Variants in NBEAL1 observed in about 807,000 individuals in gnomAD.
The protein encoded by NBEAL1 is neurobeachin like 1, also known as neurobeachin-like protein 1.
A neutral mutation model predicts 351.3 loss-of-function variants in NBEAL1; 273 were observed. The observed-to-expected ratio is 0.78, with a 90% CI of 0.70 to 0.86. NBEAL1 has a LOEUF of 0.86. NBEAL1 is among the 40% of genes least tolerant of loss of function. The probability of loss-of-function intolerance (pLI) is 0.00; values close to 1 mark genes in which losing one functional copy is unlikely to be tolerated. For synonymous variants in NBEAL1, 1,050 were observed against 1,086.4 expected (o/e 0.97, Z 0.66); for missense variants, 2,961 against 3,201.3 (o/e 0.92, Z 1.81).
At chr2:203,067,676 C>CT (rs1361309226) in intron 6 of NBEAL1, among the ~76,000 whole-genome samples, 3 of 151,924 alleles carry the variant, frequency 2.0e-5, no homozygotes, top group Admixed American at 1.3e-4. Context: ...ATTTTAAATG[C>CT]TTTTTTTAGG....
intron 54 of NBEAL1, among the ~76,000 whole-genome samples, chr2:203,212,340 C>T (rs1038097621): frequency 1.3e-5 from 2 of 151,938 alleles, no homozygotes; most frequent in Admixed American, 6.6e-5. Context: ...GGTGTGGTGG[C>T]TCACACCTGT....
chr2:203,117,136 G>C (rs2062718115), intron 18 of NBEAL1, among the ~76,000 whole-genome samples: 1 of 150,496 alleles, frequency 6.6e-6, no homozygotes, highest in East Asian at 2.0e-4. Context: ...TTATTATCAT[G>C]CACAAGCTGG....
chr2:203,125,293 A>G, intron 19 of NBEAL1, 59 bp from the exon 20 acceptor site: 1 of 1,214,494 alleles, frequency 8.2e-7, no homozygotes, highest in Non-Finnish European at 1.1e-6. Context: ...ATGTGAAGAT[A>G]TTAAATGACA....
intron 2 of NBEAL1, among the ~76,000 whole-genome samples, chr2:203,036,911 G>C (rs1320739397): frequency 6.7e-6 from 1 of 148,952 alleles, no homozygotes; most frequent in Admixed American, 6.8e-5. Flanking sequence ...CTGCTGTATC[G>C]GAGAGGAACA....
rs1237386561 is a variant in NBEAL1, at chr2:203,219,753, C to G, written c.*2399C>G. On this transcript the variant is annotated 3_prime_UTR_variant, in exon 56 of 56. Transcript: ENST00000683969. ...CCTATAGTCCCAGCTACTTGAGAGG[C>G]TGAGCAGCGCAGGAGAATCACTTAA... 1 of 152,124 alleles carries G rather than the reference C, an allele frequency of 6.6e-6. No individual in the cohort carries two copies. The highest frequency in any genetic ancestry group is 2.4e-5 in the African/African-American group (1 of 41,394). 9.4% of individuals were successfully genotyped at this position (152,124 alleles called of 1,614,324 possible). A position where few individuals can be genotyped will look rare whatever the true frequency, so the allele number is the denominator to read the frequency against.
Position 203,207,066 on chromosome 2 carries a change from C to T in NBEAL1, c.7507-1571C>T, listed in dbSNP as rs1346555785. 2.7e-5 allele frequency among the ~76,000 whole-genome samples: 4 copies of T among 150,890 alleles called. No individual in the cohort carries two copies. The East Asian group carries it at 7.8e-4, about 30-fold the overall frequency. ...CTGAGATGTGGGGAGCGCCTCTGCC[C>T]TGTCGCCCCGTCCGGGATGTGAGGA... On this transcript the variant is annotated intron_variant, in intron 51 of 55. Coordinates refer to ENST00000683969, the MANE Select transcript of NBEAL1 (RefSeq NM_001378026.1).
chr2:203,061,480 G>A (rs574374096), intron 6 of NBEAL1: 2 of 152,372 alleles, frequency 1.3e-5, no homozygotes, highest in East Asian at 3.9e-4. Context: ...TCCATCCAAA[G>A]GGTTTCTCTT....
chr2:203,020,854 C>G (rs933686778), intron 2 of NBEAL1, among the ~76,000 whole-genome samples: 1 of 152,048 alleles, frequency 6.6e-6, no homozygotes, highest in African/African-American at 2.4e-5. Context: ...TAGTTAACTA[C>G]TTCTTGTCTG....
chr2:203,026,178 G>C (rs2060852727), intron 2 of NBEAL1, among the ~76,000 whole-genome samples: 1 of 152,104 alleles, frequency 6.6e-6, no homozygotes, highest in Non-Finnish European at 1.5e-5. Flanking sequence ...GTTAGCTTCA[G>C]AATTTGGGGC....
At chr2:203,110,315 G>A (rs752774685) in intron 15 of NBEAL1, 33 bp downstream of exon 15, 4 of 1,533,000 alleles carry the variant, frequency 2.6e-6, no homozygotes, top group Non-Finnish European at 3.5e-6. Flanking sequence ...TTAACTTCTA[G>A]TATGGTTAAT....
At chr2:203,142,699 T>G (rs2063410908) in intron 31 of NBEAL1, among the ~76,000 whole-genome samples, 1 of 152,338 alleles carries the variant, frequency 6.6e-6, no homozygotes, top group African/African-American at 2.4e-5. Context: ...ACTTTTTATG[T>G]AAATAGTATT....
Position 203,126,691 on chromosome 2 carries a change from C to T in NBEAL1, c.3120C>T (p.Asn1040=). 1 of 1,511,602 alleles carries T rather than the reference C, an allele frequency of 6.6e-7. No homozygotes were observed. Among genetic ancestry groups the T allele is most frequent in the Non-Finnish European group, 8.8e-7 (1 of 1,130,298 alleles). 93.6% of individuals were successfully genotyped at this position (1,511,602 alleles called of 1,614,324 possible). The change falls in exon 22 of 56, where the codon AAC becomes AAT. Residue 1040 remains asparagine (N), a synonymous_variant. Transcript: ENST00000683969. ...TACTCTTTGACTTTCGTATTTGGAA[C>T]CGTGGAGATTTTCCCTTTCGAATCG... ...QYLLFDFRIW[N]RGDFPFRIGH...
chr2:203,073,468 G>A (rs2061715243), intron 7 of NBEAL1, among the ~76,000 whole-genome samples: 1 of 151,548 alleles, frequency 6.6e-6, no homozygotes, highest in South Asian at 2.1e-4. Context: ...CTTTTTTCTT[G>A]ATTGGTCTAG....
At chr2:203,170,222 A>G (rs1322817209) in intron 39 of NBEAL1, among the ~76,000 whole-genome samples, 3 of 152,082 alleles carry the variant, frequency 2.0e-5, no homozygotes, top group African/African-American at 4.8e-5. Flanking sequence ...AAATACAAAA[A>G]GTAGCCAGGC....
intron 36 of NBEAL1, among the ~76,000 whole-genome samples, chr2:203,158,820 T>TG (rs1482346386): frequency 1.4e-5 from 2 of 140,866 alleles, no homozygotes; most frequent in Admixed American, 7.1e-5. Context: ...GTAGGGTTTT[T>TG]TTTTTTTTTT....
At chr2:203,169,154 A>G (rs1233912839) in intron 38 of NBEAL1, among the ~76,000 whole-genome samples, 2 of 152,012 alleles carry the variant, frequency 1.3e-5, no homozygotes, top group Admixed American at 6.6e-5. Flanking sequence ...GTAAACATAC[A>G]TAGCTTGATT....
In NBEAL1 at chr2:203,113,055, C is replaced by T; in HGVS notation, c.2243C>T (p.Thr748Ile). Reference sequence around the variant, plus strand: ...TGCATTGGTTCAGCTGGGCAAAGAACCACCACTCCTCCACCATCCCAAATC... The same window carrying T: ...TGCATTGGTTCAGCTGGGCAAAGAATCACCACTCCTCCACCATCCCAAATC... ...SCCIGSAGQR[T>I]TTPPPSQIPD... Residue 748 changes from threonine to isoleucine, a missense_variant, in exon 17 of 56, where the codon ACC becomes ATC. Transcript: ENST00000683969. 6.5e-7 allele frequency: 1 copy of T among 1,529,196 alleles called. No individual in the cohort carries two copies. The highest frequency in any genetic ancestry group is 8.8e-7 in the Non-Finnish European group (1 of 1,137,092). The allele number at this position is 1,529,196 out of a possible 1,614,324, so 94.7% of individuals were successfully genotyped here. A position where few individuals can be genotyped will look rare whatever the true frequency, so the allele number is the denominator to read the frequency against.
At chr2:203,080,252 A>C (rs1235652828) in intron 8 of NBEAL1, among the ~76,000 whole-genome samples, 6 of 151,810 alleles carry the variant, frequency 4.0e-5, no homozygotes, top group Non-Finnish European at 1.5e-5. Context: ...TACTAAAAAT[A>C]CAAAAAAAAA....
chr2:203,027,576 G>T (rs2060879339), intron 2 of NBEAL1, among the ~76,000 whole-genome samples: 1 of 152,150 alleles, frequency 6.6e-6, no homozygotes, highest in African/African-American at 2.4e-5. Flanking sequence ...GGTAGGAAAG[G>T]TGTGTAATTT....
Sources: gnomAD v4.1 joint callset for allele counts (sites outside exome capture counted in the v4.1 genomes callset) on GRCh38, gnomAD v4.1.1 for gene constraint, MANE v1.5 for transcripts, NCBI Gene and HGNC (gene_info 2026-07-23, HGNC 2026-07-21) for gene names.